APBB1IP: variants seen among roughly 807,000 people sequenced by gnomAD.
APBB1IP encodes amyloid beta precursor protein binding family B member 1 interacting protein.
A neutral mutation model predicts 64.9 loss-of-function variants in APBB1IP; 27 were observed. That is an observed-to-expected ratio of 0.42 (90% CI 0.31 to 0.57). The LOEUF (loss-of-function observed/expected upper bound fraction) is 0.57. Among genes scored for constraint, APBB1IP ranks in the 20% least tolerant of loss-of-function variants. The pLI is 0.20. For missense variants in APBB1IP, 812 were observed against 845.5 expected (o/e 0.96, Z 0.49); for synonymous variants, 392 against 331.0 (o/e 1.18, Z -2.00).
rs537188435 is a variant in APBB1IP, at chr10:26,510,135, A to G, written c.532-1612A>G. ...CAGGCACATGCCACCACGCCTGGCT[A>G]ACTTCTGTATTTTTAGTAGAGACGG... is the stretch of plus-strand genomic sequence containing the variant. On this transcript the variant is annotated intron_variant, in intron 6 of 14. Coordinates refer to ENST00000376236, the MANE Select transcript of APBB1IP (RefSeq NM_019043.4). Among the ~76,000 whole-genome samples, 224 of 152,188 alleles carry G rather than the reference A, an allele frequency of 1.5e-3. 1 individual carries two copies. Among genetic ancestry groups the G allele is most frequent in the Non-Finnish European group, 2.7e-3 (187 of 68,016 alleles).
At chr10:26,493,762 A>G (rs1331303602) in intron 3 of APBB1IP, among the ~76,000 whole-genome samples, 1 of 152,186 alleles carries the variant, frequency 6.6e-6, no homozygotes, top group Non-Finnish European at 1.5e-5. Flanking sequence ...TTACTATCCT[A>G]CAACCACCAG....
chr10:26,510,734 T>TCA (rs1554776713), intron 6 of APBB1IP, among the ~76,000 whole-genome samples: 12,944 of 135,780 alleles, frequency 0.095, 659 homozygotes, highest in East Asian at 0.2. Context: ...AGACCCTGTC[T>TCA]CACACACACA....
chr10:26,491,237 C>A (rs1835951073), intron 2 of APBB1IP, among the ~76,000 whole-genome samples: 1 of 151,732 alleles, frequency 6.6e-6, no homozygotes, highest in Admixed American at 6.6e-5. Flanking sequence ...TGAGATTGCA[C>A]CACTCACTCC....
In APBB1IP at chr10:26,513,678, T is replaced by C; in HGVS notation, c.813+18T>C. 6.3e-7 allele frequency: 1 copy of C among 1,594,888 alleles called. No homozygotes were observed. The highest frequency in any genetic ancestry group is 8.5e-7 in the Non-Finnish European group (1 of 1,175,578). ...ACCCCCAGGTAAGATGATCTGCATA[T>C]TGTTAAACCCTATAAAGTACAAAGG... On this transcript the variant is annotated intron_variant, in intron 8 of 14. Transcript: ENST00000376236.
chr10:26,564,728 G>A (rs1326650142), intron 14 of APBB1IP, among the ~76,000 whole-genome samples: 12 of 152,146 alleles, frequency 7.9e-5, no homozygotes, highest in African/African-American at 2.4e-4. Flanking sequence ...GCTTGAGCTC[G>A]GGAGGTGGAG....
At chr10:26,547,014 A>G (rs536187777) in intron 11 of APBB1IP, among the ~76,000 whole-genome samples, 1 of 152,356 alleles carries the variant, frequency 6.6e-6, no homozygotes, top group African/African-American at 2.4e-5. Context: ...ATTTCTGCCA[A>G]TGGTGCATAA....
At chr10:26,522,127 G>A (rs939823040) in intron 8 of APBB1IP, among the ~76,000 whole-genome samples, 7 of 152,080 alleles carry the variant, frequency 4.6e-5, no homozygotes, top group Admixed American at 1.3e-4. Context: ...ACTATTCAAC[G>A]GAATCTAAAT....
intron 4 of APBB1IP, among the ~76,000 whole-genome samples, chr10:26,497,721 A>ATTT (rs895511347): frequency 2.7e-4 from 27 of 100,352 alleles, no homozygotes; most frequent in South Asian, 1.3e-3. Flanking sequence ...TGTCCTCTGG[A>ATTT]TTTTTTTTTT....
At chr10:26,465,876 G>A (rs1218594409) in intron 2 of APBB1IP, among the ~76,000 whole-genome samples, 1 of 152,186 alleles carries the variant, frequency 6.6e-6, no homozygotes, top group African/African-American at 2.4e-5. Context: ...CCCTGGAAAT[G>A]GTAGGTATTA....
intron 11 of APBB1IP, among the ~76,000 whole-genome samples, chr10:26,543,423 C>T (rs1836722215): frequency 6.7e-6 from 1 of 148,812 alleles, no homozygotes; most frequent in Non-Finnish European, 1.5e-5. Context: ...GCCGAGATCG[C>T]ACCACTGCAC....
rs771263997 is a variant in APBB1IP at position 26,536,106 on chromosome 10, A to T, written c.933A>T (p.Pro311=). The change falls in exon 10 of 15, where the codon CCA becomes CCT. Residue 311 remains proline, a synonymous_variant. Coordinates refer to ENST00000376236, the MANE Select transcript of APBB1IP (RefSeq NM_019043.4). ...TCTGTGGAACATCTATCATTGTACC[A>T]GAACTGGAAGGAGCTCTTTATTTGA... The part of the protein sequence containing the change: ...ESFCGTSIIV[P]ELEGALYLKE... 1.9e-5 allele frequency: 31 copies of T among 1,601,208 alleles called. No homozygotes were observed. Among genetic ancestry groups the T allele is most frequent in the Non-Finnish European group, 3.4e-6 (4 of 1,175,708 alleles).
chr10:26,562,952 G>A lies in APBB1IP; in HGVS notation c.1473+523G>A, dbSNP rs79063682. ...AAACCAGCTATCATCACACTGCTTAGGAAAAATGTAAGCATTTCCTTTAAA... is the reference window on the plus strand; with the variant it reads ...AAACCAGCTATCATCACACTGCTTAAGAAAAATGTAAGCATTTCCTTTAAA... On this transcript the variant is annotated intron_variant, in intron 14 of 14. Coordinates refer to ENST00000376236, the MANE Select transcript of APBB1IP (RefSeq NM_019043.4). 4.5e-3 allele frequency among the ~76,000 whole-genome samples: 681 copies of A among 152,268 alleles called. 2 individuals carry two copies. Among genetic ancestry groups the A allele is most frequent in the Non-Finnish European group, 7.3e-3 (495 of 68,018 alleles).
At chr10:26,477,755 A>G (rs1835791945) in intron 2 of APBB1IP, among the ~76,000 whole-genome samples, 1 of 152,126 alleles carries the variant, frequency 6.6e-6, no homozygotes, top group Non-Finnish European at 1.5e-5. Flanking sequence ...TTTTTGAGTC[A>G]AGGTCTCACT....
rs58548133 is a variant in APBB1IP, at chr10:26,476,446, C to CAAAAAAAAAAAAAAAAAAA, written c.1-15880_1-15862dup. On this transcript the variant is annotated intron_variant, in intron 2 of 14. Coordinates refer to ENST00000376236, the MANE Select transcript of APBB1IP (RefSeq NM_019043.4). Reference sequence around the variant, plus strand: ...TGTGTGACAGAGCAAGACCCTGTCTCAAAAAAAAAAAAAAAAAAAGAAGAA... The same window carrying CAAAAAAAAAAAAAAAAAAA: ...TGTGTGACAGAGCAAGACCCTGTCTCAAAAAAAAAAAAAAAAAAAAAAAAAAAAAAAAAAAAAAGAAGAA... Among the ~76,000 whole-genome samples, 10 of 78,238 alleles carry CAAAAAAAAAAAAAAAAAAA rather than the reference C, an allele frequency of 1.3e-4. 1 individual carries two copies. Among genetic ancestry groups the CAAAAAAAAAAAAAAAAAAA allele is most frequent in the Admixed American group, 3.2e-4 (2 of 6,234 alleles). 51.3% of individuals were successfully genotyped at this position (78,238 alleles called of 152,430 possible). A position where few individuals can be genotyped will look rare whatever the true frequency, so the allele number is the denominator to read the frequency against.
At chr10:26,501,480 A>C in intron 5 of APBB1IP, 1 of 369,622 alleles carries the variant, frequency 2.7e-6, no homozygotes, top group Non-Finnish European at 4.9e-6. Context: ...AGAGAATAGA[A>C]GGCATTCATT....
chr10:26,496,449 A>G (rs1836026146), intron 4 of APBB1IP, 58 bp downstream of exon 4: 1 of 1,332,650 alleles, frequency 7.5e-7, no homozygotes, highest in African/African-American at 1.5e-5. Context: ...GATTCAAATC[A>G]GTATGAAACT....
At chr10:26,485,466 G>A (rs994441711) in intron 2 of APBB1IP, among the ~76,000 whole-genome samples, 1 of 152,154 alleles carries the variant, frequency 6.6e-6, no homozygotes, top group Non-Finnish European at 1.5e-5. Context: ...TTCCAACGAC[G>A]CATTTCTGAA....
chr10:26,550,524 C>A (rs1359823615), intron 11 of APBB1IP, among the ~76,000 whole-genome samples: 1 of 152,028 alleles, frequency 6.6e-6, no homozygotes, highest in African/African-American at 2.4e-5. Flanking sequence ...TCTGCTTGAT[C>A]AATTCTGCAG....
In APBB1IP at chr10:26,533,461, G is replaced by GA; in HGVS notation, c.843dup (p.Glu282ArgfsTer6). The stretch of plus-strand genomic sequence containing the variant: ...TAGAATTTCTACTTGGATAACAGAG[G>GA]AAAAAAAGAAAGCAAGGAAACTAAT... On this transcript the variant is annotated frameshift_variant, in exon 9 of 15. Coordinates refer to ENST00000376236, the MANE Select transcript of APBB1IP (RefSeq NM_019043.4). LOFTEE classifies it high-confidence loss of function. 3 of 1,599,888 alleles carry GA rather than the reference G, an allele frequency of 1.9e-6. No individual in the cohort carries two copies. The highest frequency in any genetic ancestry group is 1.7e-4 in the Middle Eastern group (1 of 5,904).
Sources: allele counts gnomAD v4.1 joint callset (sites outside exome capture counted in the v4.1 genomes callset), GRCh38; gene constraint gnomAD v4.1.1; transcripts MANE v1.5; gene names NCBI Gene and HGNC (gene_info 2026-07-23, HGNC 2026-07-21).